The following CEMIP2 variants were observed in gnomAD, a reference collection of about 807,000 sequenced individuals.
CEMIP2 encodes cell migration inducing hyaluronidase 2.
In CEMIP2, 79 loss-of-function variants were observed where a neutral mutation model predicts 146.9. That is an observed-to-expected ratio of 0.54 (90% CI 0.45 to 0.65). CEMIP2 has a LOEUF of 0.65. Among genes scored for constraint, CEMIP2 ranks in the 30% least tolerant of loss-of-function variants. The pLI, the probability that CEMIP2 is intolerant of heterozygous loss-of-function variation, is 0.00. For synonymous variants in CEMIP2, 601 were observed against 606.3 expected (o/e 0.99, Z 0.13); for missense variants, 1,596 against 1,696.2 (o/e 0.94, Z 1.04).
chr9:71,689,344 T>C (rs944547842), intron 22 of CEMIP2, among the ~76,000 whole-genome samples: 1 of 152,236 alleles, frequency 6.6e-6, no homozygotes, highest in Non-Finnish European at 1.5e-5. Flanking sequence ...CCTTCCTTAA[T>C]GGTTCCATTA....
intron 12 of CEMIP2, 98 bp from the exon 13 acceptor site, chr9:71,718,177 A>G (rs1823124737): frequency 8.8e-7 from 1 of 1,139,132 alleles, no homozygotes; most frequent in South Asian, 2.5e-5. Context: ...TTTAAATTTG[A>G]CCAAAACAAA....
chr9:71,703,623 C>T (rs1054065409), intron 18 of CEMIP2, among the ~76,000 whole-genome samples: 1 of 152,150 alleles, frequency 6.6e-6, no homozygotes, highest in Non-Finnish European at 1.5e-5. Context: ...CATGGAGTCG[C>T]ATGGGTTAAT....
In CEMIP2 at chr9:71,750,007, C is replaced by T. The variant is rs942544101; in HGVS notation, c.331+36G>A. 2.0e-6 allele frequency: 3 copies of T among 1,521,728 alleles called. No individual in the cohort carries two copies. In the Admixed American group the frequency reaches 6.4e-5, roughly 33 times the overall value. The allele number at this position is 1,521,728 out of a possible 1,614,324, so 94.3% of individuals were successfully genotyped here. A position where few individuals can be genotyped will look rare whatever the true frequency, so the allele number is the denominator to read the frequency against. On this transcript the variant is annotated intron_variant, in intron 2 of 23. Coordinates refer to ENST00000377044, the MANE Select transcript of CEMIP2 (RefSeq NM_013390.3). Reference sequence around the variant, plus strand: ...CTACTATTTCCTCCTCTTTTGTCTTCTAGAATATGTTCTATGTGCATATAC... The same window carrying T: ...CTACTATTTCCTCCTCTTTTGTCTTTTAGAATATGTTCTATGTGCATATAC...
At chr9:71,692,108 TAA>T (rs575560028) in intron 21 of CEMIP2, among the ~76,000 whole-genome samples, 1 of 135,170 alleles carries the variant, frequency 7.4e-6, no homozygotes. Flanking sequence ...GACTCTATCT[TAA>T]AAAAAAAAAG....
At chr9:71,766,257 G>T (rs1375181519) in intron 1 of CEMIP2, among the ~76,000 whole-genome samples, 3 of 151,702 alleles carry the variant, frequency 2.0e-5, no homozygotes, top group Non-Finnish European at 4.4e-5. Flanking sequence ...ATTTTTAGTA[G>T]AGATAGGGTT....
At chr9:71,725,185 G>A (rs1428064087) in intron 11 of CEMIP2, among the ~76,000 whole-genome samples, 2 of 152,208 alleles carry the variant, frequency 1.3e-5, no homozygotes, top group African/African-American at 2.4e-5. Flanking sequence ...CAGTTTGAAT[G>A]CATCCCCCAA....
rs370790702 is a variant in CEMIP2, at chr9:71,690,415, G to A, written c.3697-169C>T. Among the ~76,000 whole-genome samples the A allele has an allele frequency of 4.6e-5, 7 of 152,278 alleles. No individual in the cohort carries two copies. In the South Asian group the frequency reaches 6.2e-4, roughly 14 times the overall value. ...CTTTTTCCTCACCATCTGAAATTGC[G>A]TCTGTGTTCCTAGGCACTGCCTATA... On this transcript the variant is annotated intron_variant, in intron 21 of 23. Transcript: ENST00000377044.
intron 7 of CEMIP2, among the ~76,000 whole-genome samples, chr9:71,731,679 T>C (rs1257209705): frequency 6.6e-6 from 1 of 151,564 alleles, no homozygotes; most frequent in Non-Finnish European, 1.5e-5. Context: ...CCACAGTCAG[T>C]TGTGATCATG....
intron 7 of CEMIP2, among the ~76,000 whole-genome samples, chr9:71,732,029 C>A (rs944489145): frequency 6.6e-6 from 1 of 151,992 alleles, no homozygotes. Context: ...TTTCAGAAAT[C>A]GCATGCATGG....
At chr9:71,696,746 G>C (rs754110037) in intron 20 of CEMIP2, among the ~76,000 whole-genome samples, 5 of 151,844 alleles carry the variant, frequency 3.3e-5, no homozygotes, top group African/African-American at 4.8e-5. Flanking sequence ...CTCCAGCCTG[G>C]GCAACAGAGA....
At chr9:71,702,442 G>A (rs949781032) in intron 18 of CEMIP2, among the ~76,000 whole-genome samples, 1 of 151,012 alleles carries the variant, frequency 6.6e-6, no homozygotes, top group African/African-American at 2.4e-5. Context: ...TGGGGTAAGG[G>A]GGGTAGTTAA....
chr9:71,728,293 ATATATATACATATATATATATATACG>A (rs1823499240), intron 10 of CEMIP2, among the ~76,000 whole-genome samples: 1 of 39,562 alleles, frequency 2.5e-5, no homozygotes, highest in African/African-American at 9.4e-5. Context: ...ATATATATAT[ATATATATACATATATATATATATACG>A]TATATATATA....
intron 10 of CEMIP2, among the ~76,000 whole-genome samples, chr9:71,728,225 CTCTCTCTATA>C (rs1473218456): frequency 5.0e-5 from 1 of 19,916 alleles, no homozygotes; most frequent in Non-Finnish European, 1.1e-4. Flanking sequence ...CTCTCTCTCT[CTCTCTCTATA>C]TATATATATA....
chr9:71,727,855 G>A (rs1440060458), intron 10 of CEMIP2, among the ~76,000 whole-genome samples: 2 of 152,150 alleles, frequency 1.3e-5, no homozygotes, highest in African/African-American at 4.8e-5. Flanking sequence ...GAGGTCAGGA[G>A]TTCAAGACCA....
intron 2 of CEMIP2, among the ~76,000 whole-genome samples, chr9:71,749,828 C>A (rs1012477076): frequency 6.6e-6 from 1 of 152,180 alleles, no homozygotes. Flanking sequence ...AGTGCTGCAA[C>A]AAAGTGGCAC....
chr9:71,757,738 CTGGTTTGGTT>C (rs886889776), intron 1 of CEMIP2, among the ~76,000 whole-genome samples: 5 of 152,096 alleles, frequency 3.3e-5, no homozygotes, highest in South Asian at 2.1e-4. Context: ...TTTAGATCTT[CTGGTTTGGTT>C]TGGTTTGGTT....
intron 5 of CEMIP2, among the ~76,000 whole-genome samples, chr9:71,737,757 T>C (rs930957438): frequency 6.6e-6 from 1 of 152,192 alleles, no homozygotes; most frequent in Non-Finnish European, 1.5e-5. Context: ...TCTATCTCTA[T>C]AAAGCACAGA....
chr9:71,726,848 A>G (rs1823399243), intron 10 of CEMIP2, among the ~76,000 whole-genome samples: 1 of 152,214 alleles, frequency 6.6e-6, no homozygotes, highest in African/African-American at 2.4e-5. Flanking sequence ...GGTCAGAAGA[A>G]AACTCCATAC....
At chr9:71,724,448 T>C (rs1239233391) in intron 11 of CEMIP2, among the ~76,000 whole-genome samples, 1 of 152,216 alleles carries the variant, frequency 6.6e-6, no homozygotes, top group Non-Finnish European at 1.5e-5. Flanking sequence ...GTATAGTTTT[T>C]CCTCAACTCT....
Sources: allele counts gnomAD v4.1 joint callset (sites outside exome capture counted in the v4.1 genomes callset), GRCh38; gene constraint gnomAD v4.1.1; transcripts MANE v1.5; gene names NCBI Gene and HGNC (gene_info 2026-07-23, HGNC 2026-07-21).